The following TNFAIP3 variants were observed in gnomAD, a reference collection of about 807,000 sequenced individuals.
The protein encoded by TNFAIP3 is tumor necrosis factor alpha-induced protein 3.
Under a neutral mutation model 72.4 loss-of-function variants are expected in TNFAIP3, and 9 were observed. The ratio of observed to expected loss-of-function variants is 0.12; its 90% confidence interval spans 0.07 to 0.22. TNFAIP3 has a LOEUF of 0.22. TNFAIP3 is among the 10% of genes least tolerant of loss of function. The pLI is 1.00. For synonymous variants in TNFAIP3, 339 were observed against 372.6 expected (o/e 0.91, Z 1.04); for missense variants, 833 against 1,018.7 (o/e 0.82, Z 2.48).
rs1307185203 is a variant in TNFAIP3, at chr6:137,875,436, C to T, written c.487-252C>T. ...AAGGGGCTGCAATATGATACCTCATCAGGGATTTTTTTTTAAAGCAGGTGC... is the reference window on the plus strand; with the variant it reads ...AAGGGGCTGCAATATGATACCTCATTAGGGATTTTTTTTTAAAGCAGGTGC... On this transcript the variant is annotated intron_variant, in intron 3 of 8. Transcript: ENST00000612899. 2.6e-5 allele frequency among the ~76,000 whole-genome samples: 4 copies of T among 151,298 alleles called. No individual in the cohort carries two copies. The East Asian group carries it at 7.7e-4, about 29-fold the overall frequency.
chr6:137,882,877 AAG>A lies in TNFAIP3; in HGVS notation c.*1559_*1560del, dbSNP rs1776508467. 1 of 227,770 alleles carries A rather than the reference AAG, an allele frequency of 4.4e-6. No homozygotes were observed. The highest frequency in any genetic ancestry group is 6.3e-5 in the East Asian group (1 of 15,902). The allele number at this position is 227,770 out of a possible 1,614,324, so 14.1% of individuals were successfully genotyped here. ...TATTTGCTCTAGAAGAAAAAAAAAA[AAG>A]GAGGGGAAATGCATTTTCCCCAGAG... On this transcript the variant is annotated 3_prime_UTR_variant, in exon 9 of 9. Coordinates refer to ENST00000612899, the MANE Select transcript of TNFAIP3 (RefSeq NM_001270508.2).
Position 137,880,218 on chromosome 6 carries a change from G to A in TNFAIP3, c.2054G>A (p.Arg685Lys). ...TGTTTCATTGAAGCTCAGAATCAGA[G>A]ATTTCATGAGGCCAAAAGGACAGAA... ...QKCFIEAQNQ[R>K]FHEAKRTEEQ... The change falls in exon 8 of 9, where the codon AGA (arginine) becomes AAA (lysine). Residue 685 changes from arginine (R) to lysine (K), a missense_variant. Physicochemically the swap from Arg to Lys is conservative, Grantham distance 26. Coordinates refer to ENST00000612899, the MANE Select transcript of TNFAIP3 (RefSeq NM_001270508.2). 1 of 1,614,138 alleles carries A rather than the reference G, an allele frequency of 6.2e-7. No individual in the cohort carries two copies. Among genetic ancestry groups the A allele is most frequent in the African/African-American group, 1.3e-5 (1 of 75,002 alleles).
In TNFAIP3 at chr6:137,871,332, G is replaced by A. The variant is rs1027610200; in HGVS notation, c.105G>A (p.Gly35=). 2 of 1,614,094 alleles carry A rather than the reference G, an allele frequency of 1.2e-6. No individual in the cohort carries two copies. The highest frequency in any genetic ancestry group is 1.7e-6 in the Non-Finnish European group (2 of 1,180,002). ...AAGACATTTTTAAACCTACTAATGGGATCATTCATCATTTTAAAACCATGC... is the reference window on the plus strand; with the variant it reads ...AAGACATTTTTAAACCTACTAATGGAATCATTCATCATTTTAAAACCATGC... ...TPEDIFKPTN[G]IIHHFKTMHR... The change falls in exon 2 of 9, where the codon GGG becomes GGA. Residue 35 remains glycine (G), a synonymous_variant. Transcript: ENST00000612899. This position sits in a 1 kb window ranked among gnomAD's most constrained non-coding sequence, Gnocchi z 4.2.
chr6:137,881,413 A>G lies in TNFAIP3; in HGVS notation c.*94A>G. ...TCTGAACCCCTCAGCTGCCACTGCA[A>G]CAGTGGGCTTAAGGGTGTCTGAGCA... is the stretch of plus-strand genomic sequence containing the variant. On this transcript the variant is annotated 3_prime_UTR_variant, in exon 9 of 9. Coordinates refer to ENST00000612899, the MANE Select transcript of TNFAIP3 (RefSeq NM_001270508.2). This position sits in a 1 kb window ranked among gnomAD's most constrained non-coding sequence, Gnocchi z 5.0. 2.6e-6 allele frequency: 3 copies of G among 1,160,112 alleles called. No individual in the cohort carries two copies. The highest frequency in any genetic ancestry group is 2.4e-5 in the East Asian group (1 of 41,236). The allele number at this position is 1,160,112 out of a possible 1,614,324, so 71.9% of individuals were successfully genotyped here. A position where few individuals can be genotyped will look rare whatever the true frequency, so the allele number is the denominator to read the frequency against.
At chr6:137,876,562 G>A (rs1472984456) in intron 5 of TNFAIP3, among the ~76,000 whole-genome samples, 1 of 152,106 alleles carries the variant, frequency 6.6e-6, no homozygotes, top group Non-Finnish European at 1.5e-5. Context: ...CTCTCGCTTT[G>A]GCCTCTCAAA....
Position 137,879,103 on chromosome 6 carries a change from C to A in TNFAIP3, c.1658C>A (p.Thr553Asn). ...TTAEASSSLS[T>N]SLPPSCHQRS... ...GCAGAGGCCTCCTCCAGCCTCAGCA[C>A]CAGCCTCCCTCCTTCCTGTCACCAG... The change falls in exon 7 of 9, where the codon ACC becomes AAC. Residue 553 changes from threonine (T) to asparagine (N), a missense_variant. Thr to Asn is a moderately conservative substitution (Grantham distance 65, BLOSUM62 0). Coordinates refer to ENST00000612899, the MANE Select transcript of TNFAIP3 (RefSeq NM_001270508.2). The A allele has an allele frequency of 6.2e-7, 1 of 1,614,198 alleles. No individual in the cohort carries two copies. Among genetic ancestry groups the A allele is most frequent in the Non-Finnish European group, 8.5e-7 (1 of 1,180,036 alleles).
Position 137,878,817 on chromosome 6 carries a change from C to T in TNFAIP3, c.1372C>T (p.His458Tyr), listed in dbSNP as rs1333498563. 1 of 1,614,018 alleles carries T rather than the reference C, an allele frequency of 6.2e-7. No homozygotes were observed. Among genetic ancestry groups the T allele is most frequent in the African/African-American group, 1.3e-5 (1 of 74,954 alleles). Residue 458 changes from histidine to tyrosine, a missense_variant, in exon 7 of 9, where the codon CAT (histidine) becomes TAT (tyrosine). Transcript: ENST00000612899. The stretch of plus-strand genomic sequence containing the variant: ...CCCTGAGGAGTCCACTGGGGGGCCT[C>T]ATTCGGCCCCACCGACAGCACCCAG... ...WNPEESTGGPHSAPPTAPSPF... is the reference protein window; with the variant it reads ...WNPEESTGGPYSAPPTAPSPF...
In TNFAIP3 at chr6:137,871,573, G is replaced by A. The variant is rs1351823877; in HGVS notation, c.295+51G>A. ...TTTGCCTGGGTGATAGCTCCCGCCT[G>A]CTGGATCCCCATTCATGAAGCTTTA... On this transcript the variant is annotated intron_variant, in intron 2 of 8. Coordinates refer to ENST00000612899, the MANE Select transcript of TNFAIP3 (RefSeq NM_001270508.2). The surrounding 1 kb of genome is among the most constrained non-coding windows in gnomAD (Gnocchi z 4.2). The A allele has an allele frequency of 1.9e-6, 3 of 1,578,614 alleles. No individual in the cohort carries two copies. The highest frequency in any genetic ancestry group is 2.7e-5 in the African/African-American group (2 of 73,612).
At chr6:137,878,146 A>G (rs1776312915) in intron 6 of TNFAIP3, among the ~76,000 whole-genome samples, 1 of 152,236 alleles carries the variant, frequency 6.6e-6, no homozygotes, top group African/African-American at 2.4e-5. Flanking sequence ...AACTATCTAT[A>G]ATTTTTGGAT....
chr6:137,879,555 G>T (rs1337075393), intron 7 of TNFAIP3, among the ~76,000 whole-genome samples: 2 of 152,234 alleles, frequency 1.3e-5, no homozygotes, highest in Non-Finnish European at 2.9e-5. Flanking sequence ...GATTACAGCA[G>T]CTCCTAATAT....
At chr6:137,874,622 G>A (rs1156253019) in intron 2 of TNFAIP3, among the ~76,000 whole-genome samples, 1 of 152,194 alleles carries the variant, frequency 6.6e-6, no homozygotes, top group Admixed American at 6.5e-5. Context: ...CTCCTTTGCA[G>A]TTGGTGTCAT....
In TNFAIP3 at chr6:137,878,742, A is replaced by T; in HGVS notation, c.1297A>T (p.Met433Leu). 1 of 1,614,054 alleles carries T rather than the reference A, an allele frequency of 6.2e-7. No homozygotes were observed. Reference sequence around the variant, plus strand: ...GCCGGGCCCTGAGGGGCTCCCTGGCATGGCGCTCGGGGCCTCTCGGGGAGA... The same window carrying T: ...GCCGGGCCCTGAGGGGCTCCCTGGCTTGGCGCTCGGGGCCTCTCGGGGAGA... ...SKPGPEGLPG[M>L]ALGASRGEAY... The change falls in exon 7 of 9, where the codon ATG becomes TTG. Residue 433 changes from methionine (M) to leucine (L), a missense_variant. Coordinates refer to ENST00000612899, the MANE Select transcript of TNFAIP3 (RefSeq NM_001270508.2).
chr6:137,879,389 T>C (rs1296114329), intron 7 of TNFAIP3, 38 bp downstream of exon 7: 9 of 1,575,052 alleles, frequency 5.7e-6, no homozygotes, highest in Admixed American at 3.7e-5. Context: ...CAGCGGCTGC[T>C]GTCCAGAAGG....
chr6:137,876,118 G>T lies in TNFAIP3; in HGVS notation c.757G>T (p.Asp253Tyr), dbSNP rs748791817. 2 of 1,614,178 alleles carry T rather than the reference G, an allele frequency of 1.2e-6. No homozygotes were observed. Among genetic ancestry groups the T allele is most frequent in the Non-Finnish European group, 1.7e-6 (2 of 1,180,008 alleles). ...CAGATACCCCATTGTTCTCGGCTAT[G>T]ACAGCCATCATTTTGTACCCTTGGT... ...CYRYPIVLGY[D>Y]SHHFVPLVTL... is the part of the protein sequence containing the mutation. The change falls in exon 5 of 9, where the codon GAC (aspartate) becomes TAC (tyrosine). Residue 253 changes from aspartate to tyrosine, a missense_variant. Physicochemically the swap from Asp to Tyr is radical, Grantham distance 160. Around this residue, in one of 2 missense-constraint regions of TNFAIP3, gnomAD observed 246 missense variants for 360.9 expected, o/e 0.68. Transcript: ENST00000612899.
chr6:137,879,438 G>A (rs1335847407), intron 7 of TNFAIP3, 87 bp downstream of exon 7: 8 of 1,431,076 alleles, frequency 5.6e-6, no homozygotes, highest in Admixed American at 2.2e-5. Context: ...AGCCCATGTA[G>A]GCAGTCAGGC....
chr6:137,873,569 A>G (rs1192413570), intron 2 of TNFAIP3, among the ~76,000 whole-genome samples: 2 of 152,224 alleles, frequency 1.3e-5, no homozygotes, highest in African/African-American at 4.8e-5. Context: ...GGGGAATTCC[A>G]GATGTTACTT....
chr6:137,878,728 A>C lies in TNFAIP3; in HGVS notation c.1283A>C (p.Glu428Ala). 1 of 1,613,944 alleles carries C rather than the reference A, an allele frequency of 6.2e-7. No individual in the cohort carries two copies. The highest frequency in any genetic ancestry group is 8.5e-7 in the Non-Finnish European group (1 of 1,179,992). ...LPKLNSKPGP[E>A]GLPGMALGAS... ...AAGCTGAACTCCAAGCCGGGCCCTG[A>C]GGGGCTCCCTGGCATGGCGCTCGGG... Residue 428 changes from glutamate to alanine, a missense_variant, in exon 7 of 9, where the codon GAG becomes GCG. By Grantham distance (107) the Glu-to-Ala change is moderately radical. Around this residue, in one of 2 missense-constraint regions of TNFAIP3, gnomAD observed 587 missense variants for 657.8 expected, o/e 0.89. Coordinates refer to ENST00000612899, the MANE Select transcript of TNFAIP3 (RefSeq NM_001270508.2).
In TNFAIP3 at chr6:137,867,850, G is replaced by A. The variant is rs796713603; in HGVS notation, c.-16+308G>A. ...GCCCCTCGGGCCCTCCGATCGGGTG[G>A]TCGTTGGCGCTTTGCTCCTTTCGTG... On this transcript the variant is annotated intron_variant, in intron 1 of 8. Transcript: ENST00000612899. The surrounding 1 kb of genome is among the most constrained non-coding windows in gnomAD (Gnocchi z 6.0). The A allele has an allele frequency of 3.3e-5, 5 of 152,592 alleles. No individual in the cohort carries two copies. The highest frequency in any genetic ancestry group is 1.2e-4 in the African/African-American group (5 of 41,598). The allele number at this position is 152,592 out of a possible 1,614,324, so 9.5% of individuals were successfully genotyped here. A position where few individuals can be genotyped will look rare whatever the true frequency, so the allele number is the denominator to read the frequency against.
chr6:137,875,451 A>T (rs1776214220), intron 3 of TNFAIP3, among the ~76,000 whole-genome samples: 1 of 152,048 alleles, frequency 6.6e-6, no homozygotes, highest in South Asian at 2.1e-4. Context: ...ATTTTTTTTT[A>T]AAGCAGGTGC....
Sources: gnomAD v4.1 joint callset for allele counts (sites outside exome capture counted in the v4.1 genomes callset) on GRCh38, gnomAD v4.1.1 for gene constraint, gnomAD v4.1.1 regional missense constraint, Gnocchi (gnomAD v3.1) non-coding constraint, MANE v1.5 for transcripts, NCBI Gene and HGNC (gene_info 2026-07-23, HGNC 2026-07-21) for gene names.